DEUP1: variants seen among roughly 807,000 people sequenced by gnomAD.
The protein encoded by DEUP1 is coiled-coil domain containing 67.
Under a neutral mutation model 87.4 loss-of-function variants are expected in DEUP1, and 82 were observed. The ratio of observed to expected loss-of-function variants is 0.94; its 90% CI spans 0.78 to 1.13. The LOEUF is 1.13. DEUP1 is among the 50% of genes most tolerant of loss of function. The probability of loss-of-function intolerance (pLI) is 0.00; values close to 1 mark genes in which losing one functional copy is unlikely to be tolerated. For missense variants in DEUP1, 663 were observed against 681.5 expected, an observed-to-expected ratio of 0.97 and a Z score of 0.30; for synonymous variants, 214 against 222.7, an observed-to-expected ratio of 0.96 and a Z score of 0.35.
intron 7 of DEUP1, chr11:93,383,744 C>CCT: frequency 2.2e-6 from 1 of 461,758 alleles, no homozygotes; most frequent in Non-Finnish European, 3.8e-6. Flanking sequence ...TTTTCTATAG[C>CCT]CTTTACTAGC....
At chr11:93,372,473 T>G (rs570853072) in intron 7 of DEUP1, among the ~76,000 whole-genome samples, 7 of 152,192 alleles carry the variant, frequency 4.6e-5, no homozygotes, top group African/African-American at 1.4e-4. Context: ...CCACTTAAAC[T>G]CCCAGGGTCA....
At chr11:93,388,289 A>G (rs949494882) in intron 8 of DEUP1, among the ~76,000 whole-genome samples, 1 of 152,170 alleles carries the variant, frequency 6.6e-6, no homozygotes, top group Non-Finnish European at 1.5e-5. Flanking sequence ...TCAAAACAAC[A>G]GACTCCTCCA....
At chr11:93,432,681 A>G (rs1461797129) in intron 13 of DEUP1, among the ~76,000 whole-genome samples, 1 of 152,122 alleles carries the variant, frequency 6.6e-6, no homozygotes, top group Non-Finnish European at 1.5e-5. Flanking sequence ...ACAGGGAGGG[A>G]CAAGTTGCTG....
At chr11:93,378,454 T>G (rs993090102) in intron 7 of DEUP1, among the ~76,000 whole-genome samples, 1 of 152,054 alleles carries the variant, frequency 6.6e-6, no homozygotes, top group East Asian at 1.9e-4. Flanking sequence ...TTCCAGAAGT[T>G]GTGATTTTTT....
intron 7 of DEUP1, among the ~76,000 whole-genome samples, chr11:93,375,857 T>C (rs187866492): frequency 6.6e-6 from 1 of 152,326 alleles, no homozygotes; most frequent in East Asian, 1.9e-4. Flanking sequence ...GTCAGTAAAA[T>C]TGGTACCAAT....
At chr11:93,418,636 G>T (rs1013267000) in intron 13 of DEUP1, among the ~76,000 whole-genome samples, 1 of 151,772 alleles carries the variant, frequency 6.6e-6, no homozygotes, top group African/African-American at 2.4e-5. Flanking sequence ...ATTCCTCAGG[G>T]ATCTAGAACT....
intron 4 of DEUP1, among the ~76,000 whole-genome samples, chr11:93,359,139 C>T (rs1272989510): frequency 6.6e-6 from 1 of 152,222 alleles, no homozygotes; most frequent in African/African-American, 2.4e-5. Context: ...TAGTAATATG[C>T]TGTTTTTCTA....
chr11:93,362,214 G>T (rs1288702710), intron 4 of DEUP1, among the ~76,000 whole-genome samples: 4 of 151,960 alleles, frequency 2.6e-5, no homozygotes, highest in Non-Finnish European at 5.9e-5. Context: ...AGACAAATTT[G>T]ATGTCATTAA....
intron 11 of DEUP1, among the ~76,000 whole-genome samples, chr11:93,402,752 T>C (rs1378094141): frequency 6.6e-6 from 1 of 151,920 alleles, no homozygotes; most frequent in Non-Finnish European, 1.5e-5. Context: ...TTATGTTAAG[T>C]GAAATAAGCG....
chr11:93,416,387 G>A (rs1438453557), intron 13 of DEUP1, among the ~76,000 whole-genome samples: 1 of 152,160 alleles, frequency 6.6e-6, no homozygotes, highest in African/African-American at 2.4e-5. Flanking sequence ...ACTACCATCA[G>A]AGAATACTAC....
At chr11:93,403,682 A>T (rs2134399771) in intron 11 of DEUP1, among the ~76,000 whole-genome samples, 1 of 151,590 alleles carries the variant, frequency 6.6e-6, no homozygotes, top group East Asian at 1.9e-4. Flanking sequence ...TATTATTTTT[A>T]GTTTCATCAG....
chr11:93,372,475 C>T (rs979624045), intron 7 of DEUP1, among the ~76,000 whole-genome samples: 3 of 152,088 alleles, frequency 2.0e-5, no homozygotes, highest in Non-Finnish European at 2.9e-5. Flanking sequence ...ACTTAAACTC[C>T]CAGGGTCATT....
At chr11:93,368,652 C>G (rs913384474) in intron 5 of DEUP1, among the ~76,000 whole-genome samples, 3 of 152,088 alleles carry the variant, frequency 2.0e-5, no homozygotes, top group African/African-American at 7.2e-5. Context: ...CTAGAAACCA[C>G]CAGGCTGGGC....
intron 4 of DEUP1, 100 bp downstream of exon 4, chr11:93,357,143 G>T: frequency 1.4e-6 from 1 of 699,724 alleles, no homozygotes; most frequent in East Asian, 2.9e-5. Context: ...ATAAACAAAT[G>T]TCTTGTATTT....
At chr11:93,427,641 A>G (rs914721354) in intron 13 of DEUP1, among the ~76,000 whole-genome samples, 2 of 151,144 alleles carry the variant, frequency 1.3e-5, no homozygotes, top group African/African-American at 4.9e-5. Flanking sequence ...TAATTAAACT[A>G]AAGAGCTTCT....
Position 93,371,295 on chromosome 11 carries a change from T to G in DEUP1, c.789+15T>G, listed in dbSNP as rs532475380. On this transcript the variant is annotated intron_variant, in intron 7 of 13. Transcript: ENST00000298050. ...GACAGTGCCAGGTGAAGATTAATTT[T>G]TTTTCAACTAATATTGTCCATGACT... is the stretch of plus-strand genomic sequence containing the variant. 3.1e-6 allele frequency: 5 copies of G among 1,605,330 alleles called. No individual in the cohort carries two copies. In the African/African-American group the frequency reaches 6.7e-5, roughly 22 times the overall value.
chr11:93,389,669 C>G (rs1172446703), intron 9 of DEUP1, among the ~76,000 whole-genome samples: 1 of 152,136 alleles, frequency 6.6e-6, no homozygotes, highest in South Asian at 2.1e-4. Flanking sequence ...TTTGAGGAAA[C>G]TAAGGCACCA....
At chr11:93,403,606 T>TTGTGA (rs774441013) in intron 11 of DEUP1, among the ~76,000 whole-genome samples, 18 of 151,852 alleles carry the variant, frequency 1.2e-4, no homozygotes, top group Non-Finnish European at 2.1e-4. Flanking sequence ...AAGTGATTTA[T>TTGTGA]TTTATTAGCA....
intron 3 of DEUP1, among the ~76,000 whole-genome samples, chr11:93,356,725 T>A (rs969869377): frequency 6.6e-6 from 1 of 152,216 alleles, no homozygotes; most frequent in African/African-American, 2.4e-5. Flanking sequence ...GATCTTTTGT[T>A]AAACATCCGT....
Sources: allele counts gnomAD v4.1 joint callset (sites outside exome capture counted in the v4.1 genomes callset), GRCh38; gene constraint gnomAD v4.1.1; transcripts MANE v1.5; gene names NCBI Gene and HGNC (gene_info 2026-07-23, HGNC 2026-07-21).